SYT9: variants seen among roughly 807,000 people sequenced by gnomAD.
SYT9 encodes synaptotagmin-9.
A neutral mutation model predicts 48.4 loss-of-function variants in SYT9; 22 were observed. That is an observed-to-expected ratio of 0.45 (90% confidence interval 0.32 to 0.65). The LOEUF (loss-of-function observed/expected upper bound fraction) is 0.65, where lower values mean the gene tolerates loss of function less well. Among genes scored for constraint, SYT9 ranks in the 30% least tolerant of loss-of-function variants. SYT9 has a pLI of 0.03. For synonymous variants in SYT9, 265 were observed against 245.0 expected (o/e 1.08, Z -0.76); for missense variants, 577 against 622.0 (o/e 0.93, Z 0.77).
At chr11:7,380,338 AT>A (rs1181077966) in intron 3 of SYT9, among the ~76,000 whole-genome samples, 2 of 152,140 alleles carry the variant, frequency 1.3e-5, no homozygotes, top group Non-Finnish European at 2.9e-5. Flanking sequence ...GCACAAAAAA[AT>A]TAGAATGAAT....
At chr11:7,331,940 T>A (rs1191062636) in intron 3 of SYT9, among the ~76,000 whole-genome samples, 2 of 152,234 alleles carry the variant, frequency 1.3e-5, no homozygotes, top group Non-Finnish European at 2.9e-5. Flanking sequence ...TTCCTATTAT[T>A]TAACCTAAGA....
chr11:7,243,329 T>C (rs1389071243), intron 1 of SYT9, among the ~76,000 whole-genome samples: 1 of 152,240 alleles, frequency 6.6e-6, no homozygotes, highest in Non-Finnish European at 1.5e-5. Context: ...TGGTTTTTGA[T>C]TAATGTGATT....
chr11:7,420,442 T>G (rs1292423636), intron 5 of SYT9, 64 bp from the exon 6 acceptor site: 28 of 1,582,416 alleles, frequency 1.8e-5, no homozygotes, highest in Non-Finnish European at 2.3e-5. Context: ...TCAGTTTAAT[T>G]GAGTAGCTAT....
At chr11:7,392,059 G>A (rs1049873898) in intron 3 of SYT9, among the ~76,000 whole-genome samples, 9 of 151,744 alleles carry the variant, frequency 5.9e-5, no homozygotes, top group Non-Finnish European at 1.2e-4. Flanking sequence ...CTCTCATTCT[G>A]TATGTTATTT....
intron 1 of SYT9, among the ~76,000 whole-genome samples, chr11:7,255,974 G>A (rs1249668352): frequency 6.6e-6 from 1 of 152,012 alleles, no homozygotes; most frequent in African/African-American, 2.4e-5. Context: ...TTCCTTGTAG[G>A]GAATTAAAAG....
intron 6 of SYT9, among the ~76,000 whole-genome samples, chr11:7,447,554 C>T (rs904218947): frequency 2.0e-5 from 3 of 152,214 alleles, no homozygotes; most frequent in Admixed American, 6.5e-5. Context: ...AAACTTTTCT[C>T]TGTATATATA....
chr11:7,239,440 T>C (rs1847718033), intron 1 of SYT9, among the ~76,000 whole-genome samples: 1 of 152,136 alleles, frequency 6.6e-6, no homozygotes, highest in African/African-American at 2.4e-5. Context: ...TTAGCCCTAA[T>C]TATGTCAGAT....
chr11:7,361,466 ACTATT>A (rs1337212506), intron 3 of SYT9, among the ~76,000 whole-genome samples: 2 of 152,176 alleles, frequency 1.3e-5, no homozygotes, highest in Non-Finnish European at 2.9e-5. Context: ...AACTTTTATA[ACTATT>A]CCATGATTCC....
In SYT9 at chr11:7,252,056, G is replaced by T; in HGVS notation, c.-131G>T. ...GGCTGGGTCTGGGGCTCGGGCTCAG[G>T]CTCGCACCGTTTCTCGGCAGGTCCC... On this transcript the variant is annotated 5_prime_UTR_variant, in exon 1 of 7. Coordinates refer to ENST00000318881, the MANE Select transcript of SYT9 (RefSeq NM_175733.4). The surrounding 1 kb of genome is among the most constrained non-coding windows in gnomAD (Gnocchi z 6.3). The T allele has an allele frequency of 9.0e-7, 1 of 1,116,138 alleles. No individual in the cohort carries two copies. Among genetic ancestry groups the T allele is most frequent in the Admixed American group, 4.3e-5 (1 of 23,522 alleles). 69.1% of individuals were successfully genotyped at this position (1,116,138 alleles called of 1,614,324 possible).
chr11:7,300,956 C>T (rs931768923), intron 1 of SYT9, among the ~76,000 whole-genome samples: 8 of 152,152 alleles, frequency 5.3e-5, no homozygotes, highest in African/African-American at 1.9e-4. Context: ...ACTCCCTATC[C>T]CCCATCCCTG....
At chr11:7,386,357 G>A (rs1276066843) in intron 3 of SYT9, among the ~76,000 whole-genome samples, 1 of 151,766 alleles carries the variant, frequency 6.6e-6, no homozygotes, top group African/African-American at 2.4e-5. Context: ...AGAGTGAACA[G>A]TCAACCTACA....
chr11:7,321,767 G>A (rs1564861462), intron 3 of SYT9, among the ~76,000 whole-genome samples: 1 of 152,172 alleles, frequency 6.6e-6, no homozygotes, highest in Admixed American at 6.5e-5. Context: ...TTAAAGGGCG[G>A]GTTAATGCAA....
intron 3 of SYT9, among the ~76,000 whole-genome samples, chr11:7,344,929 TACAC>T (rs60652691): frequency 0.095 from 14,199 of 148,828 alleles, 1,785 homozygotes; most frequent in African/African-American, 0.29. Context: ...CTCATTATTT[TACAC>T]ACACACACAC....
chr11:7,244,613 G>C (rs1462477969), intron 1 of SYT9, among the ~76,000 whole-genome samples: 1 of 152,202 alleles, frequency 6.6e-6, no homozygotes, highest in African/African-American at 2.4e-5. Flanking sequence ...CATTTGATGG[G>C]AGTGCTAATC....
chr11:7,398,155 G>C (rs772516364), intron 3 of SYT9, among the ~76,000 whole-genome samples: 6 of 152,020 alleles, frequency 3.9e-5, no homozygotes, highest in Admixed American at 6.5e-5. Flanking sequence ...AAGTTTGCTG[G>C]AGCTTCTATC....
intron 1 of SYT9, among the ~76,000 whole-genome samples, chr11:7,281,002 G>A (rs1010442649): frequency 6.6e-6 from 1 of 152,084 alleles, no homozygotes; most frequent in Non-Finnish European, 1.5e-5. Flanking sequence ...TTAATAATCA[G>A]CTCTCAAAAT....
At chr11:7,431,929 C>G (rs972372060) in intron 6 of SYT9, among the ~76,000 whole-genome samples, 9 of 152,230 alleles carry the variant, frequency 5.9e-5, no homozygotes, top group African/African-American at 2.2e-4. Flanking sequence ...GGGTTGAGCC[C>G]TCCCAGAGAA....
intron 1 of SYT9, among the ~76,000 whole-genome samples, chr11:7,244,930 A>C (rs1427033037): frequency 6.6e-6 from 1 of 152,220 alleles, no homozygotes; most frequent in Non-Finnish European, 1.5e-5. Context: ...GTTGATGCTA[A>C]AGGGTGAAGG....
intron 6 of SYT9, chr11:7,454,249 TCTTCCTC>T: frequency 1.0e-6 from 1 of 985,414 alleles, no homozygotes; most frequent in Non-Finnish European, 1.2e-6. Flanking sequence ...TTAGTTGATG[TCTTCCTC>T]CCATTTGTCT....
Sources: allele counts gnomAD v4.1 joint callset (sites outside exome capture counted in the v4.1 genomes callset), GRCh38; gene constraint gnomAD v4.1.1; non-coding constraint Gnocchi (gnomAD v3.1); transcripts MANE v1.5; gene names NCBI Gene and HGNC (gene_info 2026-07-23, HGNC 2026-07-21).